The following MEGF6 variants were observed in gnomAD, a reference collection of about 807,000 sequenced individuals.
MEGF6 encodes multiple EGF like domains 6, also known as multiple epidermal growth factor-like domains protein 6.
A neutral mutation model predicts 207.1 loss-of-function variants in MEGF6; 184 were observed. The ratio of observed to expected loss-of-function variants is 0.89; its 90% CI spans 0.79 to 1.00. The LOEUF is 1.00. Ranked by LOEUF, MEGF6 falls within the 50% of genes least tolerant of loss-of-function variation. The probability of loss-of-function intolerance (pLI) is 0.00; values close to 1 mark genes in which losing one functional copy is unlikely to be tolerated. For synonymous variants in MEGF6, 1,038 were observed against 910.0 expected (o/e 1.14, Z -2.53); for missense variants, 2,282 against 2,202.9 (o/e 1.04, Z -0.72).
chr1:3,496,674 G>C lies in MEGF6; in HGVS notation c.3723C>G (p.Leu1241=). 6.4e-7 allele frequency: 1 copy of C among 1,571,260 alleles called. No individual in the cohort carries two copies. Among genetic ancestry groups the C allele is most frequent in the Non-Finnish European group, 8.6e-7 (1 of 1,158,664 alleles). Residue 1241 remains leucine, a synonymous_variant, in exon 29 of 37, where the codon CTC becomes CTG. Transcript: ENST00000356575. ...ACTCACTGAGGTTGCAGTCCGTCCC[G>C]AGGAACCCAGTGGGGCAGCGGCAGG... ...TGACRCPTGF[L]GTDCNLTCPQ...
At chr1:3,581,508 C>T (rs911688869) in intron 3 of MEGF6, among the ~76,000 whole-genome samples, 18 of 152,324 alleles carry the variant, frequency 1.2e-4, no homozygotes, top group African/African-American at 4.1e-4. Flanking sequence ...GACCGGGGAC[C>T]AACCCGGGGC....
intron 4 of MEGF6, among the ~76,000 whole-genome samples, chr1:3,536,880 C>T (rs1395074157): frequency 6.6e-6 from 1 of 152,248 alleles, no homozygotes; most frequent in Non-Finnish European, 1.5e-5. Flanking sequence ...GGACGAGGTC[C>T]AGCCAACACC....
chr1:3,614,986 C>G (rs1468264508), upstream of MEGF6, among the ~76,000 whole-genome samples: 1 of 152,226 alleles, frequency 6.6e-6, no homozygotes, highest in Non-Finnish European at 1.5e-5. Flanking sequence ...ACAGAAGGGC[C>G]TGCCGTGTTG....
chr1:3,604,522 A>T (rs1372426117), intron 1 of MEGF6, among the ~76,000 whole-genome samples: 2 of 152,172 alleles, frequency 1.3e-5, no homozygotes, highest in African/African-American at 4.8e-5. Context: ...CTCTTCCTGC[A>T]CCAGGAAGAC....
intron 4 of MEGF6, among the ~76,000 whole-genome samples, chr1:3,552,858 A>G (rs1286713108): frequency 6.6e-6 from 1 of 151,378 alleles, no homozygotes; most frequent in Admixed American, 6.6e-5. Flanking sequence ...TGGGTCTTCC[A>G]GTCCCCCACC....
At position 3,594,102 on chromosome 1, in the gene MEGF6, C is replaced by T. The variant is rs1401896522; in HGVS notation, c.376+1236G>A. ...CTGGGTTCTGTTCCTGTCACCGGAG[C>T]CCAGGGGAGCCCACTGTCCATTAAA... is the stretch of plus-strand genomic sequence containing the variant. On this transcript the variant is annotated intron_variant, in intron 3 of 36. Coordinates refer to ENST00000356575, the MANE Select transcript of MEGF6 (RefSeq NM_001409.4). The surrounding 1 kb of genome is among the most constrained non-coding windows in gnomAD (Gnocchi z 4.2). Among the ~76,000 whole-genome samples the T allele has an allele frequency of 3.9e-5, 6 of 152,294 alleles. No individual in the cohort carries two copies. Among genetic ancestry groups the T allele is most frequent in the Admixed American group, 3.3e-4 (5 of 15,304 alleles).
the MEGF6 span, among the ~76,000 whole-genome samples, chr1:3,617,614 A>G: frequency 1.3e-5 from 2 of 152,334 alleles, no homozygotes; most frequent in South Asian, 2.1e-4. Flanking sequence ...CATCCTGCAC[A>G]TGGACCCCTG....
Position 3,490,343 on chromosome 1 carries a change from T to C in MEGF6, c.*185A>G. 1 of 651,588 alleles carries C rather than the reference T, an allele frequency of 1.5e-6. No homozygotes were observed. The highest frequency in any genetic ancestry group is 3.0e-5 in the East Asian group (1 of 33,074). The allele number at this position is 651,588 out of a possible 1,614,324, so 40.4% of individuals were successfully genotyped here. A position where few individuals can be genotyped will look rare whatever the true frequency, so the allele number is the denominator to read the frequency against. On this transcript the variant is annotated 3_prime_UTR_variant, in exon 37 of 37. Transcript: ENST00000356575. ...TTCCAGCGGCCATGCGAGGCTTCCC[T>C]CCTCAAGGCCACACCAGCCTCCAAG...
chr1:3,545,524 G>A (rs1053240311), intron 4 of MEGF6, among the ~76,000 whole-genome samples: 4 of 152,172 alleles, frequency 2.6e-5, no homozygotes, highest in Non-Finnish European at 5.9e-5. Flanking sequence ...AAGGGTGGGG[G>A]CCCTGCAGGA....
At chr1:3,620,784 C>T in the MEGF6 span, among the ~76,000 whole-genome samples, 6 of 152,162 alleles carry the variant, frequency 3.9e-5, no homozygotes, top group Admixed American at 1.3e-4. Flanking sequence ...TACCAAGGCG[C>T]GGAGACCGGT....
rs972870442 is a variant in MEGF6, at chr1:3,488,568, A to C, written c.*1960T>G. Reference sequence around the variant, plus strand: ...TAAAATCAGGCTTTTCTGTAGAAAAATGGCCGAGGCCTTGAAGGCCTAAGA... The same window carrying C: ...TAAAATCAGGCTTTTCTGTAGAAAACTGGCCGAGGCCTTGAAGGCCTAAGA... On this transcript the variant is annotated 3_prime_UTR_variant, in exon 37 of 37. Transcript: ENST00000356575. Among the ~76,000 whole-genome samples the C allele has an allele frequency of 3.3e-5, 5 of 152,248 alleles. No individual in the cohort carries two copies. Among genetic ancestry groups the C allele is most frequent in the Admixed American group, 1.3e-4 (2 of 15,290 alleles).
chr1:3,604,327 GGGGCACAAGGCA>G (rs1417636202), intron 1 of MEGF6, among the ~76,000 whole-genome samples: 1 of 152,190 alleles, frequency 6.6e-6, no homozygotes, highest in African/African-American at 2.4e-5. Flanking sequence ...ACTGCAGGGT[GGGGCACAAGGCA>G]GGGCACGAGG....
chr1:3,607,590 G>A (rs1399054738), intron 1 of MEGF6, among the ~76,000 whole-genome samples: 2 of 152,210 alleles, frequency 1.3e-5, no homozygotes, highest in Non-Finnish European at 2.9e-5. Flanking sequence ...AGGTGGCAGG[G>A]GAAGGGCAGG....
intron 2 of MEGF6, 152 bp downstream of exon 2, chr1:3,602,314 G>A: frequency 8.4e-7 from 1 of 1,186,828 alleles, no homozygotes; most frequent in Non-Finnish European, 1.2e-6. Flanking sequence ...GGGTGGGAGA[G>A]GCCTCATGCT....
Position 3,579,988 on chromosome 1 carries a change from T to A in MEGF6, c.377-59A>T, listed in dbSNP as rs1643753810. The stretch of plus-strand genomic sequence containing the variant: ...CAAGGAGGGGTGAGGCAGGGGGAGG[T>A]GAGGCCTGAGGGTCTCTCGGGCAGG... On this transcript the variant is annotated intron_variant, in intron 3 of 36. Transcript: ENST00000356575. 6.4e-6 allele frequency: 8 copies of A among 1,248,024 alleles called. No homozygotes were observed. In the East Asian group the frequency reaches 2.4e-4, roughly 38 times the overall value. The allele number at this position is 1,248,024 out of a possible 1,614,324, so 77.3% of individuals were successfully genotyped here. A position where few individuals can be genotyped will look rare whatever the true frequency, so the allele number is the denominator to read the frequency against.
At chr1:3,521,613 G>A (rs1442760910) in intron 5 of MEGF6, among the ~76,000 whole-genome samples, 1 of 152,102 alleles carries the variant, frequency 6.6e-6, no homozygotes, top group Non-Finnish European at 1.5e-5. Flanking sequence ...CTGGGAGGTG[G>A]CCCCCAGGGG....
At chr1:3,564,791 C>T (rs534978795) in intron 4 of MEGF6, among the ~76,000 whole-genome samples, 32 of 152,284 alleles carry the variant, frequency 2.1e-4, no homozygotes, top group Admixed American at 7.8e-4. Context: ...AAGCTGGGGA[C>T]GGGCCCCCTT....
Position 3,611,235 on chromosome 1 carries a change from G to C in MEGF6, c.34C>G (p.Arg12Gly), listed in dbSNP as rs1644321207. The change falls in exon 1 of 37, where the codon CGC becomes GGC. Residue 12 changes from arginine to glycine, a missense_variant. Physicochemically the swap from Arg to Gly is moderately radical, Grantham distance 125. Coordinates refer to ENST00000356575, the MANE Select transcript of MEGF6 (RefSeq NM_001409.4). ...AGCACCAACGCCAGGACCACCGCGC[G>C]CCCCGCTGCCCTCGCCTCTTCAAGG... ...SFLEEARAAGRAVVLALVLLL... is the reference protein window; with the variant it reads ...SFLEEARAAGGAVVLALVLLL... 4.6e-6 allele frequency: 7 copies of C among 1,531,858 alleles called. No individual in the cohort carries two copies. Among genetic ancestry groups the C allele is most frequent in the Non-Finnish European group, 6.1e-6 (7 of 1,150,602 alleles). 94.9% of individuals were successfully genotyped at this position (1,531,858 alleles called of 1,614,324 possible).
intron 4 of MEGF6, among the ~76,000 whole-genome samples, chr1:3,537,459 C>T (rs1331528842): frequency 6.6e-6 from 1 of 152,208 alleles, no homozygotes; most frequent in East Asian, 1.9e-4. Context: ...GGTGGAGCGG[C>T]GATCACCACC....
Sources: gnomAD v4.1 joint callset for allele counts (sites outside exome capture counted in the v4.1 genomes callset) on GRCh38, gnomAD v4.1.1 for gene constraint, Gnocchi (gnomAD v3.1) non-coding constraint, MANE v1.5 for transcripts, NCBI Gene and HGNC (gene_info 2026-07-23, HGNC 2026-07-21) for gene names.